The following EYS variants were observed in gnomAD, a reference collection of about 807,000 sequenced individuals.
EYS encodes EGF-like photoreceptor maintenance factor.
A neutral mutation model predicts 282.1 loss-of-function variants in EYS; 250 were observed. The ratio of observed to expected loss-of-function variants is 0.89; its 90% CI spans 0.80 to 0.98. EYS has a LOEUF of 0.98. Ranked by LOEUF, EYS falls within the 50% of genes least tolerant of loss-of-function variation. The pLI, the probability that EYS is intolerant of heterozygous loss-of-function variation, is 0.00. For missense variants in EYS, 4,016 were observed against 3,709.0 expected (o/e 1.08, Z -2.15); for synonymous variants, 1,355 against 1,282.9 (o/e 1.06, Z -1.20).
intron 12 of EYS, among the ~76,000 whole-genome samples, chr6:65,202,161 T>C (rs999265653): frequency 6.6e-6 from 1 of 151,980 alleles, no homozygotes; most frequent in African/African-American, 2.4e-5. Flanking sequence ...GAGACATATA[T>C]AATCTCTGAT....
chr6:64,010,280 TC>T (rs1768548698), intron 33 of EYS, among the ~76,000 whole-genome samples: 2 of 152,138 alleles, frequency 1.3e-5, no homozygotes, highest in Admixed American at 6.5e-5. Context: ...GATGCGGTGC[TC>T]CTGCTCTGAC....
intron 31 of EYS, among the ~76,000 whole-genome samples, chr6:64,147,565 T>C (rs532469955): frequency 4.6e-5 from 7 of 152,316 alleles, no homozygotes; most frequent in African/African-American, 1.2e-4. Flanking sequence ...CATTGCCTAA[T>C]GACCTGCCAG....
intron 15 of EYS, among the ~76,000 whole-genome samples, chr6:64,931,680 C>T (rs1448658310): frequency 6.6e-6 from 1 of 151,966 alleles, no homozygotes; most frequent in Non-Finnish European, 1.5e-5. Context: ...TTACAGTGAA[C>T]TATATATAAA....
intron 29 of EYS, among the ~76,000 whole-genome samples, chr6:64,367,216 T>C (rs1772210213): frequency 6.6e-6 from 1 of 152,062 alleles, no homozygotes; most frequent in African/African-American, 2.4e-5. Context: ...GTATGCTTTA[T>C]AGATCCTCTC....
chr6:64,616,281 A>T (rs2149848492), intron 24 of EYS, among the ~76,000 whole-genome samples: 1 of 152,268 alleles, frequency 6.6e-6, no homozygotes, highest in South Asian at 2.1e-4. Flanking sequence ...ACTTCTTGGT[A>T]CCAACTAACT....
rs960093564 is a variant in EYS, at chr6:65,265,991, C to G, written c.2023+29872G>C. On this transcript the variant is annotated intron_variant, in intron 12 of 42. Coordinates refer to ENST00000503581, the MANE Select transcript of EYS (RefSeq NM_001142800.2). Reference sequence around the variant, plus strand: ...AAATTTTTTCATCTATTTCTTTAGGCCATCAGAGAATAAAAAAATTAACAT... The same window carrying G: ...AAATTTTTTCATCTATTTCTTTAGGGCATCAGAGAATAAAAAAATTAACAT... Among the ~76,000 whole-genome samples, 3 of 151,526 alleles carry G rather than the reference C, an allele frequency of 2.0e-5. No individual in the cohort carries two copies. In the East Asian group the frequency reaches 5.8e-4, roughly 29 times the overall value.
chr6:64,597,588 A>G (rs1766626680), intron 24 of EYS, among the ~76,000 whole-genome samples: 1 of 152,154 alleles, frequency 6.6e-6, no homozygotes, highest in Non-Finnish European at 1.5e-5. Context: ...TCATTTTCCA[A>G]CATGAAACAA....
At chr6:64,812,159 A>C (rs1764616198) in intron 22 of EYS, among the ~76,000 whole-genome samples, 1 of 151,948 alleles carries the variant, frequency 6.6e-6, no homozygotes. Flanking sequence ...AAACATGTTT[A>C]CTATATTTTA....
At chr6:64,739,487 A>T (rs1772295812) in intron 22 of EYS, among the ~76,000 whole-genome samples, 1 of 152,202 alleles carries the variant, frequency 6.6e-6, no homozygotes, top group South Asian at 2.1e-4. Flanking sequence ...TGGTGCTAGT[A>T]TCAAAATGTT....
intron 29 of EYS, among the ~76,000 whole-genome samples, chr6:64,340,243 A>G (rs993002020): frequency 1.3e-5 from 2 of 151,834 alleles, no homozygotes; most frequent in African/African-American, 2.4e-5. Context: ...TACAGAATCA[A>G]AAAAGAAGCC....
intron 35 of EYS, among the ~76,000 whole-genome samples, chr6:63,873,611 G>T: frequency 6.6e-6 from 1 of 152,110 alleles, no homozygotes. Context: ...CTAGTTTACA[G>T]TCCCACCAAC....
At chr6:64,262,354 T>G (rs1279597399) in intron 30 of EYS, among the ~76,000 whole-genome samples, 3 of 151,372 alleles carry the variant, frequency 2.0e-5, no homozygotes, top group African/African-American at 7.3e-5. Context: ...TTTCAGATTA[T>G]TTTTTGTAAT....
intron 24 of EYS, among the ~76,000 whole-genome samples, chr6:64,599,332 G>A (rs1766691181): frequency 6.6e-6 from 1 of 152,130 alleles, no homozygotes; most frequent in African/African-American, 2.4e-5. Context: ...GAGTGGAAAT[G>A]GTGAATATAC....
chr6:65,360,264 C>T (rs1452478476), intron 8 of EYS, among the ~76,000 whole-genome samples: 1 of 151,766 alleles, frequency 6.6e-6, no homozygotes, highest in Non-Finnish European at 1.5e-5. Flanking sequence ...AATGATCTTT[C>T]AAAAAGCAAT....
At chr6:65,142,404 T>C (rs1445936057) in intron 12 of EYS, among the ~76,000 whole-genome samples, 2 of 151,678 alleles carry the variant, frequency 1.3e-5, no homozygotes, top group East Asian at 1.9e-4. Context: ...AGTAGATCTT[T>C]GTTGTGATGA....
At chr6:64,116,751 G>A (rs2150270500) in intron 31 of EYS, among the ~76,000 whole-genome samples, 1 of 152,082 alleles carries the variant, frequency 6.6e-6, no homozygotes, top group East Asian at 1.9e-4. Flanking sequence ...CAATGTAAAC[G>A]GAAAGTAAGA....
rs1211469085 is a variant in EYS, at chr6:65,253,241, CATAAT to C, written c.2023+42617_2023+42621del. Among the ~76,000 whole-genome samples the C allele has an allele frequency of 4.6e-5, 7 of 151,956 alleles. No homozygotes were observed. The East Asian group carries it at 1.3e-3, about 29-fold the overall frequency. ...TGTAGCTCTTGCTGTTGGACTCCCA[CATAAT>C]ATATCTAGGCTCTAATCTATTCCAA... On this transcript the variant is annotated intron_variant, in intron 12 of 42. Transcript: ENST00000503581.
intron 31 of EYS, among the ~76,000 whole-genome samples, chr6:64,203,294 T>G (rs1008492495): frequency 6.6e-6 from 1 of 152,044 alleles, no homozygotes; most frequent in African/African-American, 2.4e-5. Flanking sequence ...AGCTAAAGAG[T>G]TCCCAAGTGG....
intron 31 of EYS, among the ~76,000 whole-genome samples, chr6:64,198,173 T>A (rs1256309208): frequency 6.6e-6 from 1 of 151,004 alleles, no homozygotes; most frequent in Admixed American, 6.6e-5. Context: ...AATTTTTTTT[T>A]TTTTTTTGTA....
Sources: gnomAD v4.1 joint callset for allele counts (sites outside exome capture counted in the v4.1 genomes callset) on GRCh38, gnomAD v4.1.1 for gene constraint, MANE v1.5 for transcripts, NCBI Gene and HGNC (gene_info 2026-07-23, HGNC 2026-07-21) for gene names.